NALF1: variants seen among roughly 807,000 people sequenced by gnomAD.
NALF1 encodes the protein family with sequence similarity 155 member A.
In NALF1, 3 loss-of-function variants were observed where a neutral mutation model predicts 48.4. That is an observed-to-expected ratio of 0.06 (90% confidence interval 0.03 to 0.16). NALF1 has a LOEUF of 0.16. NALF1 is among the 10% of genes least tolerant of loss of function. NALF1 has a pLI of 1.00. For missense variants in NALF1, 526 were observed against 571.5 expected (o/e 0.92, Z 0.81); for synonymous variants, 262 against 245.7 (o/e 1.07, Z -0.62).
chr13:107,508,010 GA>G (rs1310696089), intron 1 of NALF1, among the ~76,000 whole-genome samples: 1 of 151,944 alleles, frequency 6.6e-6, no homozygotes, highest in African/African-American at 2.4e-5. Context: ...TCAGCAATTA[GA>G]AAAAAATAGT....
chr13:107,652,088 T>A (rs1019414780), intron 1 of NALF1, among the ~76,000 whole-genome samples: 6 of 152,220 alleles, frequency 3.9e-5, no homozygotes, highest in Admixed American at 6.5e-5. Context: ...CTGACTTCAA[T>A]TTCTAGCTTT....
intron 1 of NALF1, among the ~76,000 whole-genome samples, chr13:107,396,870 A>C (rs1022180725): frequency 6.6e-6 from 1 of 152,208 alleles, no homozygotes; most frequent in Non-Finnish European, 1.5e-5. Flanking sequence ...GAAAAGTATC[A>C]ATAATACTTG....
intron 1 of NALF1, among the ~76,000 whole-genome samples, chr13:107,628,678 A>G (rs759829186): frequency 7.9e-5 from 12 of 152,320 alleles, no homozygotes; most frequent in Non-Finnish European, 1.6e-4. Flanking sequence ...CAAAAAATCT[A>G]AAACAAACAA....
chr13:107,614,867 T>C (rs1879337188), intron 1 of NALF1, among the ~76,000 whole-genome samples: 1 of 151,932 alleles, frequency 6.6e-6, no homozygotes, highest in African/African-American at 2.4e-5. Flanking sequence ...AACTTCCGCC[T>C]CTCGGTTCAA....
chr13:107,641,338 C>T (rs966940057), intron 1 of NALF1, among the ~76,000 whole-genome samples: 1 of 152,074 alleles, frequency 6.6e-6, no homozygotes, highest in African/African-American at 2.4e-5. Flanking sequence ...TAGTATTCAA[C>T]AGCACAGTAG....
intron 1 of NALF1, among the ~76,000 whole-genome samples, chr13:107,723,366 G>A (rs1876045269): frequency 6.6e-6 from 1 of 152,090 alleles, no homozygotes; most frequent in South Asian, 2.1e-4. Context: ...TGACTACCCT[G>A]TCTAAATTGT....
At chr13:107,332,430 T>A (rs1441139829) in intron 1 of NALF1, among the ~76,000 whole-genome samples, 1 of 152,172 alleles carries the variant, frequency 6.6e-6, no homozygotes, top group East Asian at 1.9e-4. Context: ...TCACTTACTG[T>A]GATAGTTCAC....
At chr13:107,355,663 C>T (rs1440158000) in intron 1 of NALF1, among the ~76,000 whole-genome samples, 1 of 151,802 alleles carries the variant, frequency 6.6e-6, no homozygotes, top group African/African-American at 2.4e-5. Context: ...CTTGCTGCCA[C>T]ATGAAGACTT....
At chr13:107,824,935 T>C (rs536635724) in intron 1 of NALF1, among the ~76,000 whole-genome samples, 3 of 152,184 alleles carry the variant, frequency 2.0e-5, no homozygotes, top group Non-Finnish European at 4.4e-5. Flanking sequence ...AGTACTAAAA[T>C]GCTTTCCACC....
chr13:107,635,192 C>A (rs574091287), intron 1 of NALF1, among the ~76,000 whole-genome samples: 1 of 152,040 alleles, frequency 6.6e-6, no homozygotes, highest in South Asian at 2.1e-4. Flanking sequence ...ATTAGTTCAT[C>A]CTCATACTGC....
intron 1 of NALF1, among the ~76,000 whole-genome samples, chr13:107,848,801 T>G (rs915426004): frequency 4.6e-5 from 7 of 152,190 alleles, no homozygotes; most frequent in African/African-American, 1.7e-4. Context: ...TGATACTAAA[T>G]GATTTAAATG....
chr13:107,176,598 C>T lies in NALF1; in HGVS notation c.1088-5812G>A, dbSNP rs981964828. ...CGGAGCTTGCAGTGAGCCGAGATGGCGCCACTGCACTCCAGCCTGGGCAAC... is the reference window on the plus strand; with the variant it reads ...CGGAGCTTGCAGTGAGCCGAGATGGTGCCACTGCACTCCAGCCTGGGCAAC... On this transcript the variant is annotated intron_variant, in intron 2 of 2. Transcript: ENST00000375915. Among the ~76,000 whole-genome samples, 21 of 151,514 alleles carry T rather than the reference C, an allele frequency of 1.4e-4. 1 individual carries two copies. The highest frequency in any genetic ancestry group is 1.8e-4 in the Non-Finnish European group (12 of 67,920).
intron 1 of NALF1, among the ~76,000 whole-genome samples, chr13:107,572,235 A>G (rs1878007662): frequency 6.6e-6 from 1 of 152,154 alleles, no homozygotes; most frequent in Admixed American, 6.5e-5. Context: ...TCTTGTGAGG[A>G]GGCACTGACT....
intron 1 of NALF1, among the ~76,000 whole-genome samples, chr13:107,235,567 A>T (rs1157042891): frequency 1.3e-5 from 2 of 152,238 alleles, no homozygotes; most frequent in Non-Finnish European, 2.9e-5. Context: ...AAACAAAGTA[A>T]GTTCTATGCA....
At chr13:107,378,769 T>C (rs1335139158) in intron 1 of NALF1, among the ~76,000 whole-genome samples, 1 of 152,230 alleles carries the variant, frequency 6.6e-6, no homozygotes, top group Non-Finnish European at 1.5e-5. Flanking sequence ...ATTGAAAATA[T>C]ACAGTTAGCA....
At chr13:107,492,602 C>A (rs1240257826) in intron 1 of NALF1, among the ~76,000 whole-genome samples, 1 of 152,144 alleles carries the variant, frequency 6.6e-6, no homozygotes, top group East Asian at 1.9e-4. Context: ...TCTGGAACTG[C>A]AATTCTACAG....
chr13:107,276,566 C>G (rs1260469088), intron 1 of NALF1, among the ~76,000 whole-genome samples: 1 of 152,108 alleles, frequency 6.6e-6, no homozygotes, highest in African/African-American at 2.4e-5. Flanking sequence ...GTATTTAAAG[C>G]CTACCTGTCA....
intron 1 of NALF1, among the ~76,000 whole-genome samples, chr13:107,795,364 T>TAATTCATACTTACATCATTCA (rs1223625149): frequency 5.3e-5 from 8 of 152,110 alleles, no homozygotes; most frequent in African/African-American, 1.9e-4. Flanking sequence ...ATCATTCACG[T>TAATTCATACTTACATCATTCA]GTAACTTACT....
chr13:107,321,187 T>G (rs1478790673), intron 1 of NALF1, among the ~76,000 whole-genome samples: 3 of 152,150 alleles, frequency 2.0e-5, no homozygotes, highest in Admixed American at 2.0e-4. Context: ...CATTTTACTT[T>G]TTCCCATCAA....
Sources: gnomAD v4.1 joint callset for allele counts (sites outside exome capture counted in the v4.1 genomes callset) on GRCh38, gnomAD v4.1.1 for gene constraint, MANE v1.5 for transcripts, NCBI Gene and HGNC (gene_info 2026-07-23, HGNC 2026-07-21) for gene names.